The following FAM193A variants were observed in gnomAD, a reference collection of about 807,000 sequenced individuals.
FAM193A encodes the protein protein FAM193A.
In FAM193A, 22 loss-of-function variants were observed where a neutral mutation model predicts 126.5. That is an observed-to-expected ratio of 0.17 (90% CI 0.12 to 0.25). FAM193A has a LOEUF of 0.25. FAM193A is among the 10% of genes least tolerant of loss of function. The pLI is 1.00. For synonymous variants in FAM193A, 761 were observed against 646.8 expected (o/e 1.18, Z -2.68); for missense variants, 1,675 against 1,672.8 (o/e 1.00, Z -0.02).
chr4:2,538,383 G>A (rs566490611), intron 1 of FAM193A, among the ~76,000 whole-genome samples: 171 of 152,120 alleles, frequency 1.1e-3, no homozygotes, highest in African/African-American at 4.0e-3. Flanking sequence ...TGTAGAGACA[G>A]GGTTTCACCA....
chr4:2,700,144 C>G lies in FAM193A; in HGVS notation c.3972C>G (p.Phe1324Leu), dbSNP rs780386091. 6 of 1,613,612 alleles carry G rather than the reference C, an allele frequency of 3.7e-6. No individual in the cohort carries two copies. The highest frequency in any genetic ancestry group is 5.1e-6 in the Non-Finnish European group (6 of 1,179,960). The change falls in exon 19 of 21, where the codon TTC becomes TTG. Residue 1324 changes from phenylalanine to leucine, a missense_variant. Phe to Leu is a conservative substitution (Grantham distance 22, BLOSUM62 0). This residue lies in a region of FAM193A where 415 missense variants were observed against 396.7 expected (regional missense o/e 1.05). Coordinates refer to ENST00000637812, the MANE Select transcript of FAM193A (RefSeq NM_001366318.2). ...AGCAGCATGAGCCACTCTCTTTTTT[C>G]TTCGACATCATGCAGCACCATAAAG... ...NGKQHEPLSF[F>L]FDIMQHHKEG...
At chr4:2,711,827 T>A (rs1288410893) in intron 19 of FAM193A, among the ~76,000 whole-genome samples, 2 of 151,988 alleles carry the variant, frequency 1.3e-5, no homozygotes, top group East Asian at 3.9e-4. Context: ...CTGTGGAGGC[T>A]GAGGCAGAAG....
At chr4:2,642,936 C>T (rs955106840) in intron 6 of FAM193A, among the ~76,000 whole-genome samples, 5 of 151,842 alleles carry the variant, frequency 3.3e-5, no homozygotes, top group African/African-American at 1.2e-4. Flanking sequence ...GGGGTTTCAC[C>T]GTGAAAACTC....
chr4:2,629,497 T>G (rs1269494265), intron 4 of FAM193A, among the ~76,000 whole-genome samples: 1 of 152,254 alleles, frequency 6.6e-6, no homozygotes, highest in African/African-American at 2.4e-5. Context: ...CCATAAGGCT[T>G]CACATGTTCC....
chr4:2,684,668 C>G (rs757608048), intron 13 of FAM193A, among the ~76,000 whole-genome samples: 3 of 152,170 alleles, frequency 2.0e-5, no homozygotes, highest in Admixed American at 6.5e-5. Flanking sequence ...GACCTGGGCT[C>G]CTCTTGAGGG....
intron 2 of FAM193A, among the ~76,000 whole-genome samples, chr4:2,620,818 A>T (rs956351248): frequency 2.8e-5 from 4 of 144,748 alleles, no homozygotes; most frequent in Non-Finnish European, 4.5e-5. Flanking sequence ...CCTGGGCAAG[A>T]AGACTGCAAC....
At chr4:2,574,107 A>C (rs1739446714) in intron 1 of FAM193A, among the ~76,000 whole-genome samples, 1 of 152,076 alleles carries the variant, frequency 6.6e-6, no homozygotes, top group Non-Finnish European at 1.5e-5. Context: ...CAGTTCTGAA[A>C]GAGATCCTCC....
At chr4:2,729,395 G>A (rs1458356745) in intron 20 of FAM193A, among the ~76,000 whole-genome samples, 2 of 152,140 alleles carry the variant, frequency 1.3e-5, no homozygotes, top group African/African-American at 2.4e-5. Context: ...GAAGGGACGC[G>A]AGGCCCTGAA....
In FAM193A at chr4:2,700,261, G is replaced by A. The variant is rs745857884; in HGVS notation, c.4089G>A (p.Gly1363=). 2 of 1,614,102 alleles carry A rather than the reference G, an allele frequency of 1.2e-6. No individual in the cohort carries two copies. The highest frequency in any genetic ancestry group is 1.7e-6 in the Non-Finnish European group (2 of 1,180,030). Residue 1363 remains glycine (G), a synonymous_variant, in exon 19 of 21, where the codon GGG becomes GGA. Transcript: ENST00000637812. The stretch of plus-strand genomic sequence containing the variant: ...CAGAGCCCCCCAAGGCCACAGAGGG[G>A]CAGTCCAAGCCCCGGGCCCAGACTG... ...RPTEPPKATE[G]QSKPRAQTES... is the part of the protein sequence containing the mutation.
chr4:2,688,260 G>A lies in FAM193A; in HGVS notation c.2332-1246G>A, dbSNP rs181028767. ...AACCAACAGGCTACAAGTAGGTCTC[G>A]AATTATAACTGTGGTAAGTGCTAAG... On this transcript the variant is annotated intron_variant, in intron 13 of 20. Transcript: ENST00000637812. Among the ~76,000 whole-genome samples the A allele has an allele frequency of 5.3e-5, 8 of 152,244 alleles. No individual in the cohort carries two copies. The East Asian group carries it at 9.7e-4, about 18-fold the overall frequency.
intron 17 of FAM193A, among the ~76,000 whole-genome samples, chr4:2,695,418 T>C (rs1023287831): frequency 1.3e-5 from 2 of 152,306 alleles, no homozygotes; most frequent in African/African-American, 4.8e-5. Flanking sequence ...TGGTGGAACA[T>C]TGTAGCCAGC....
At chr4:2,564,374 C>T (rs1738805277) in intron 1 of FAM193A, among the ~76,000 whole-genome samples, 1 of 152,048 alleles carries the variant, frequency 6.6e-6, no homozygotes, top group Admixed American at 6.6e-5. Flanking sequence ...TGAGCCACCA[C>T]CCCTGGCCAG....
intron 4 of FAM193A, among the ~76,000 whole-genome samples, chr4:2,629,201 A>G (rs1332318952): frequency 2.7e-5 from 4 of 147,576 alleles, no homozygotes; most frequent in Non-Finnish European, 4.5e-5. Context: ...CCTTAAATTT[A>G]TAAAATACAG....
intron 4 of FAM193A, among the ~76,000 whole-genome samples, chr4:2,629,492 A>AG (rs1370871335): frequency 1.3e-5 from 2 of 152,214 alleles, no homozygotes; most frequent in African/African-American, 4.8e-5. Flanking sequence ...ATTTTCCATA[A>AG]GGCTTCACAT....
At position 2,568,973 on chromosome 4, in the gene FAM193A, C is replaced by CTTTTTTTTTTTTTTTTTTT. The variant is rs753557878; in HGVS notation, c.256-27108_256-27090dup. ...GATTTCTTTTGTTGTTGTTGTTTTG[C>CTTTTTTTTTTTTTTTTTTT]TTTTTTTTTTTTTTTTTTTTTGATC... On this transcript the variant is annotated intron_variant, in intron 1 of 20. Coordinates refer to ENST00000637812, the MANE Select transcript of FAM193A (RefSeq NM_001366318.2). Among the ~76,000 whole-genome samples the CTTTTTTTTTTTTTTTTTTT allele has an allele frequency of 3.3e-5, 3 of 90,728 alleles. 1 individual carries two copies. The highest frequency in any genetic ancestry group is 9.2e-5 in the African/African-American group (2 of 21,746). The allele number at this position is 90,728 out of a possible 152,430, so 59.5% of individuals were successfully genotyped here.
chr4:2,535,653 G>C (rs1179751841), upstream of FAM193A, among the ~76,000 whole-genome samples: 3 of 151,688 alleles, frequency 2.0e-5, no homozygotes, highest in African/African-American at 7.2e-5. Flanking sequence ...GGAGGGTCCA[G>C]ACGCAAGCCC....
chr4:2,556,836 T>A (rs550484526), intron 1 of FAM193A, among the ~76,000 whole-genome samples: 2 of 152,312 alleles, frequency 1.3e-5, no homozygotes, highest in South Asian at 4.1e-4. Context: ...ATTGTTCTCT[T>A]GAATATTTTG....
chr4:2,699,800 G>C lies in FAM193A; in HGVS notation c.3628G>C (p.Glu1210Gln). Residue 1210 changes from glutamate to glutamine, a missense_variant, in exon 19 of 21, where the codon GAG becomes CAG. Transcript: ENST00000637812. Reference sequence around the variant, plus strand: ...GGAAGAAGAGGAGGATCGTTTCAAGGAGGAATTTCAGCGGCTTCAGGAGCT... The same window carrying C: ...GGAAGAAGAGGAGGATCGTTTCAAGCAGGAATTTCAGCGGCTTCAGGAGCT... The part of the protein sequence containing the change: ...DEEEEEDRFK[E>Q]EFQRLQELQK... The C allele has an allele frequency of 6.2e-7, 1 of 1,613,948 alleles. No individual in the cohort carries two copies. The highest frequency in any genetic ancestry group is 8.5e-7 in the Non-Finnish European group (1 of 1,179,930).
intron 1 of FAM193A, among the ~76,000 whole-genome samples, chr4:2,572,107 G>A (rs895355933): frequency 2.7e-5 from 4 of 149,818 alleles, no homozygotes; most frequent in Non-Finnish European, 4.4e-5. Context: ...GGAGGTTGCA[G>A]TGAGCCGAGA....
Sources: gnomAD v4.1 joint callset for allele counts (sites outside exome capture counted in the v4.1 genomes callset) on GRCh38, gnomAD v4.1.1 for gene constraint, gnomAD v4.1.1 regional missense constraint, MANE v1.5 for transcripts, NCBI Gene and HGNC (gene_info 2026-07-23, HGNC 2026-07-21) for gene names.